Variants in DSCAM observed in about 807,000 individuals in gnomAD.
DSCAM encodes cell adhesion molecule DSCAM.
A neutral mutation model predicts 217.7 loss-of-function variants in DSCAM; 47 were observed. The observed-to-expected ratio is 0.22, with a 90% CI of 0.17 to 0.28. The LOEUF is 0.28. DSCAM is among the 10% of genes least tolerant of loss of function. The pLI is 1.00. For missense variants in DSCAM, 2,080 were observed against 2,618.3 expected (o/e 0.79, Z 4.49); for synonymous variants, 1,056 against 1,015.3 (o/e 1.04, Z -0.76).
At chr21:40,256,816 A>G (rs2073378659) in intron 11 of DSCAM, among the ~76,000 whole-genome samples, 1 of 152,228 alleles carries the variant, frequency 6.6e-6, no homozygotes, top group Non-Finnish European at 1.5e-5. Flanking sequence ...ACAATTAACC[A>G]TCACAAATCC....
chr21:40,533,336 ATTGT>A (rs1417278047), intron 3 of DSCAM, among the ~76,000 whole-genome samples: 2 of 152,188 alleles, frequency 1.3e-5, no homozygotes, highest in Non-Finnish European at 2.9e-5. Context: ...ATATGTGAAA[ATTGT>A]TTCTTTCTCT....
At chr21:40,072,644 G>A (rs1013904362) in intron 27 of DSCAM, among the ~76,000 whole-genome samples, 6 of 152,078 alleles carry the variant, frequency 3.9e-5, no homozygotes, top group Non-Finnish European at 5.9e-5. Flanking sequence ...CACCGCACCC[G>A]GCCTCTCCTG....
intron 3 of DSCAM, among the ~76,000 whole-genome samples, chr21:40,471,838 C>T (rs1280853464): frequency 2.0e-5 from 3 of 152,100 alleles, no homozygotes; most frequent in East Asian, 3.8e-4. Context: ...TACATGTGCA[C>T]AATGTGCAGG....
At chr21:40,121,505 G>A (rs2090032843) in intron 20 of DSCAM, among the ~76,000 whole-genome samples, 1 of 151,864 alleles carries the variant, frequency 6.6e-6, no homozygotes, top group Non-Finnish European at 1.5e-5. Flanking sequence ...GGGGTTCTGG[G>A]ACCTCCTTGT....
At chr21:40,819,941 A>T (rs1601308178) in intron 1 of DSCAM, among the ~76,000 whole-genome samples, 1 of 152,184 alleles carries the variant, frequency 6.6e-6, no homozygotes, top group East Asian at 1.9e-4. Flanking sequence ...CAAGAACAGG[A>T]TATCATCATC....
chr21:40,637,440 T>TATATATATAAATATATATAAATATAA lies in DSCAM; in HGVS notation c.508+55369_508+55370insTTATATTTATATATATTTATATATAT, dbSNP rs2089801082. 6.9e-4 allele frequency among the ~76,000 whole-genome samples: 24 copies of TATATATATAAATATATATAAATATAA among 34,948 alleles called. 10 individuals are homozygous for TATATATATAAATATATATAAATATAA. Among genetic ancestry groups the TATATATATAAATATATATAAATATAA allele is most frequent in the Non-Finnish European group, 8.0e-4 (17 of 21,212 alleles). 22.9% of individuals were successfully genotyped at this position (34,948 alleles called of 152,430 possible). On this transcript the variant is annotated intron_variant, in intron 3 of 32. Transcript: ENST00000400454. ...ATATATATAAATATATAAATATAAA[T>TATATATATAAATATATATAAATATAA]ATATATATAAATATATACAAATATA...
intron 29 of DSCAM, among the ~76,000 whole-genome samples, chr21:40,053,920 T>C (rs1207391221): frequency 6.6e-6 from 1 of 152,212 alleles, no homozygotes; most frequent in East Asian, 1.9e-4. Context: ...TTAGCAAATA[T>C]TGTAACGTGT....
intron 1 of DSCAM, among the ~76,000 whole-genome samples, chr21:40,804,127 G>C (rs1444452950): frequency 6.6e-6 from 1 of 152,162 alleles, no homozygotes; most frequent in Non-Finnish European, 1.5e-5. Context: ...TGGAGACAGT[G>C]ACCTGTGCAG....
chr21:40,461,389 A>T (rs368622440), intron 3 of DSCAM, among the ~76,000 whole-genome samples: 1 of 152,162 alleles, frequency 6.6e-6, no homozygotes, highest in African/African-American at 2.4e-5. Context: ...CATATGATTC[A>T]TTACCCACAG....
intron 3 of DSCAM, among the ~76,000 whole-genome samples, chr21:40,689,394 C>T (rs1019261819): frequency 6.6e-6 from 1 of 152,176 alleles, no homozygotes; most frequent in African/African-American, 2.4e-5. Context: ...TAAGCATCCC[C>T]CAGGCTGACA....
At chr21:40,789,712 C>T (rs1367648248) in intron 1 of DSCAM, among the ~76,000 whole-genome samples, 2 of 152,052 alleles carry the variant, frequency 1.3e-5, no homozygotes, top group Non-Finnish European at 2.9e-5. Flanking sequence ...CCCACCACCC[C>T]GCCCAGCTAA....
In DSCAM at chr21:40,188,045, G is replaced by A. The variant is rs11910008; in HGVS notation, c.2554-58C>T. ...TCAGTAGGCAAAATGACTTTGAGCCGTAAAGCTCTCTCTCTCCACTCTTTC... is the reference window on the plus strand; with the variant it reads ...TCAGTAGGCAAAATGACTTTGAGCCATAAAGCTCTCTCTCTCCACTCTTTC... On this transcript the variant is annotated intron_variant, in intron 12 of 32. Transcript: ENST00000400454. 24,895 of 1,353,394 alleles carry A rather than the reference G, an allele frequency of 0.018. 2,161 individuals carry two copies. The African/African-American group carries it at 0.24, about 13-fold the overall frequency. 83.8% of individuals were successfully genotyped at this position (1,353,394 alleles called of 1,614,324 possible).
chr21:40,594,889 G>A lies in DSCAM; in HGVS notation c.508+97921C>T, dbSNP rs535348287. On this transcript the variant is annotated intron_variant, in intron 3 of 32. Transcript: ENST00000400454. ...CATATGCTAAAGAGATATCGCTTGA[G>A]AATGTTTCATGCTCTTGAGCCCAAT... 4.8e-4 allele frequency among the ~76,000 whole-genome samples: 73 copies of A among 152,270 alleles called. 2 individuals are homozygous for A. The South Asian group carries it at 0.013, about 27-fold the overall frequency.
rs73355320 is a variant in DSCAM at position 40,342,484 on chromosome 21, C to T, written c.1211-3069G>A. 8.1e-3 allele frequency among the ~76,000 whole-genome samples: 1,232 copies of T among 151,274 alleles called. 11 individuals are homozygous for T. Among genetic ancestry groups the T allele is most frequent in the African/African-American group, 0.026 (1,071 of 41,260 alleles). On this transcript the variant is annotated intron_variant, in intron 6 of 32. Transcript: ENST00000400454. The stretch of plus-strand genomic sequence containing the variant: ...TTTATACTTTATATTCAATTCTATA[C>T]GGATAGCAACTTAATTTTGTGTGGA...
intron 1 of DSCAM, among the ~76,000 whole-genome samples, chr21:40,756,918 G>A (rs932653953): frequency 7.2e-5 from 11 of 151,886 alleles, no homozygotes; most frequent in African/African-American, 2.4e-4. Flanking sequence ...AAGTCTGTGC[G>A]ATTTATCTCT....
chr21:40,607,603 A>G (rs2089257909), intron 3 of DSCAM, among the ~76,000 whole-genome samples: 1 of 152,042 alleles, frequency 6.6e-6, no homozygotes, highest in African/African-American at 2.4e-5. Context: ...TAATGGAAAC[A>G]TGGGCGGGTG....
chr21:40,042,249 C>T (rs2088764268), intron 32 of DSCAM, 122 bp downstream of exon 32: 2 of 996,038 alleles, frequency 2.0e-6, no homozygotes, highest in African/African-American at 1.6e-5. Flanking sequence ...TGTTATGCAG[C>T]CATCCATAAA....
At chr21:40,466,906 T>C (rs1289283248) in intron 3 of DSCAM, among the ~76,000 whole-genome samples, 1 of 152,242 alleles carries the variant, frequency 6.6e-6, no homozygotes, top group Non-Finnish European at 1.5e-5. Flanking sequence ...AACCTGGCTA[T>C]CACTTTTCAA....
At chr21:40,680,919 T>C (rs1451370899) in intron 3 of DSCAM, among the ~76,000 whole-genome samples, 1 of 152,206 alleles carries the variant, frequency 6.6e-6, no homozygotes, top group African/African-American at 2.4e-5. Context: ...ATTCTGTAAA[T>C]ACTCTCATTA....
Sources: allele counts gnomAD v4.1 joint callset (sites outside exome capture counted in the v4.1 genomes callset), GRCh38; gene constraint gnomAD v4.1.1; transcripts MANE v1.5; gene names NCBI Gene and HGNC (gene_info 2026-07-23, HGNC 2026-07-21).